Variants in SAE1 observed in about 807,000 individuals in gnomAD.
SAE1 encodes SUMO-activating enzyme subunit 1.
SAE1 carries 11 observed loss-of-function variants against 40.6 expected under a neutral mutation model. The observed-to-expected ratio is 0.27, with a 90% CI of 0.17 to 0.45. The LOEUF (loss-of-function observed/expected upper bound fraction) is 0.45, where lower values mean the gene tolerates loss of function less well. Ranked by LOEUF, SAE1 falls within the 20% of genes least tolerant of loss-of-function variation. The pLI is 1.00. For synonymous variants in SAE1, 155 were observed against 154.3 expected, an observed-to-expected ratio of 1.00 and a Z score of -0.03; for missense variants, 373 against 427.3, an observed-to-expected ratio of 0.87 and a Z score of 1.12.
In SAE1 at chr19:47,187,817, C is replaced by T. The variant is rs533603507; in HGVS notation, c.734-9416C>T. Reference sequence around the variant, plus strand: ...GATTACAGGCGTGAGCCACTGCACCCGGCCTCTGGATTGCCCGGCCTGTGT... The same window carrying T: ...GATTACAGGCGTGAGCCACTGCACCTGGCCTCTGGATTGCCCGGCCTGTGT... On this transcript the variant is annotated intron_variant, in intron 6 of 8. Coordinates refer to ENST00000270225, the MANE Select transcript of SAE1 (RefSeq NM_005500.3). Among the ~76,000 whole-genome samples, 14 of 152,284 alleles carry T rather than the reference C, an allele frequency of 9.2e-5. No individual in the cohort carries two copies. The East Asian group carries it at 2.1e-3, about 23-fold the overall frequency.
At chr19:47,171,332 C>T (rs1452489353) in intron 6 of SAE1, among the ~76,000 whole-genome samples, 16 of 147,262 alleles carry the variant, frequency 1.1e-4, no homozygotes, top group Admixed American at 6.1e-4. Flanking sequence ...CTAGCTCTGT[C>T]GCCCAGGCTG....
At chr19:47,147,762 T>A (rs574281113) in intron 2 of SAE1, among the ~76,000 whole-genome samples, 1,452 of 137,874 alleles carry the variant, frequency 0.011, 26 homozygotes, top group South Asian at 0.016. Flanking sequence ...CTCAACTGTA[T>A]TTTTTTTTTT....
intron 6 of SAE1, chr19:47,180,062 T>G: frequency 2.5e-6 from 1 of 403,326 alleles, no homozygotes; most frequent in Admixed American, 2.7e-5. Flanking sequence ...GTTATCTGGA[T>G]GAACTCATGG....
At chr19:47,181,298 A>G (rs2058504331) in intron 6 of SAE1, among the ~76,000 whole-genome samples, 1 of 152,036 alleles carries the variant, frequency 6.6e-6, no homozygotes, top group Admixed American at 6.6e-5. Flanking sequence ...CTTGGGCAAC[A>G]AGAGCGAAAC....
At chr19:47,195,680 C>T (rs1055228001) in intron 6 of SAE1, among the ~76,000 whole-genome samples, 1 of 151,450 alleles carries the variant, frequency 6.6e-6, no homozygotes, top group Non-Finnish European at 1.5e-5. Context: ...CCTTTCCCTT[C>T]CCCTTCCCCT....
intron 7 of SAE1, among the ~76,000 whole-genome samples, chr19:47,201,293 C>G (rs1490328199): frequency 2.7e-5 from 4 of 146,582 alleles, no homozygotes; most frequent in Non-Finnish European, 6.0e-5. Context: ...ATGATCCACC[C>G]AGCTTGGCCT....
intron 1 of SAE1, among the ~76,000 whole-genome samples, chr19:47,140,320 A>T (rs1186971553): frequency 6.6e-6 from 1 of 151,508 alleles, no homozygotes; most frequent in Non-Finnish European, 1.5e-5. Flanking sequence ...GTTAGCCAGG[A>T]TGGTCTCGGT....
At chr19:47,206,014 C>T (rs1468724222) in intron 8 of SAE1, among the ~76,000 whole-genome samples, 1 of 152,236 alleles carries the variant, frequency 6.6e-6, no homozygotes, top group Non-Finnish European at 1.5e-5. Context: ...TACTTCTGCA[C>T]ATCCCATTGA....
intron 5 of SAE1, among the ~76,000 whole-genome samples, chr19:47,169,580 T>G (rs1427476460): frequency 6.6e-6 from 1 of 152,144 alleles, no homozygotes; most frequent in African/African-American, 2.4e-5. Context: ...GAAGCAGGTC[T>G]TTGGAAGCTT....
intron 2 of SAE1, among the ~76,000 whole-genome samples, chr19:47,143,912 G>A (rs1005615615): frequency 3.9e-5 from 6 of 152,108 alleles, no homozygotes; most frequent in Non-Finnish European, 8.8e-5. Context: ...TTTCCAATTT[G>A]TGCCTAAAAA....
chr19:47,178,371 T>G (rs1243832629), intron 6 of SAE1, among the ~76,000 whole-genome samples: 4 of 152,338 alleles, frequency 2.6e-5, no homozygotes, highest in South Asian at 4.1e-4. Context: ...CATGTCTGCA[T>G]TTTTCTATAG....
At chr19:47,195,736 CTTTTT>C (rs56268362) in intron 6 of SAE1, among the ~76,000 whole-genome samples, 1 of 93,142 alleles carries the variant, frequency 1.1e-5, no homozygotes. Flanking sequence ...TTTTTTTCTT[CTTTTT>C]TTTTTTTTTT....
At chr19:47,168,985 CCTT>C (rs758066353) in intron 5 of SAE1, among the ~76,000 whole-genome samples, 20 of 152,266 alleles carry the variant, frequency 1.3e-4, no homozygotes, top group Non-Finnish European at 2.6e-4. Context: ...TCCTAGCCAT[CCTT>C]CTGCCTATTA....
chr19:47,200,904 C>G (rs1224639411), intron 7 of SAE1, among the ~76,000 whole-genome samples: 1 of 152,146 alleles, frequency 6.6e-6, no homozygotes, highest in Non-Finnish European at 1.5e-5. Context: ...GTCACCTAGG[C>G]TAGAGTGCAG....
chr19:47,133,858 T>G (rs895866035), intron 1 of SAE1, among the ~76,000 whole-genome samples: 19 of 151,512 alleles, frequency 1.3e-4, no homozygotes, highest in African/African-American at 3.2e-4. Flanking sequence ...GATTTGTTTT[T>G]TTTGTTTGTT....
chr19:47,193,928 T>C (rs1481610963), intron 6 of SAE1, among the ~76,000 whole-genome samples: 1 of 151,636 alleles, frequency 6.6e-6, no homozygotes, highest in Non-Finnish European at 1.5e-5. Flanking sequence ...ACCAGAGAAA[T>C]ACAGGCCAGG....
At chr19:47,159,194 T>A (rs938225975) in intron 5 of SAE1, among the ~76,000 whole-genome samples, 1 of 152,246 alleles carries the variant, frequency 6.6e-6, no homozygotes, top group Admixed American at 6.5e-5. Flanking sequence ...CTATTAATAC[T>A]CTTTTCATGA....
At chr19:47,143,837 C>T (rs2058238180) in intron 2 of SAE1, among the ~76,000 whole-genome samples, 1 of 152,078 alleles carries the variant, frequency 6.6e-6, no homozygotes, top group African/African-American at 2.4e-5. Flanking sequence ...AGCTTGCCTG[C>T]CTGTAAAATG....
Position 47,187,767 on chromosome 19 carries a change from T to C in SAE1, c.734-9466T>C, listed in dbSNP as rs561416344. ...AAACTCCTGACCTCAGTTGATCTGCTTGCCTTGGCCTCTCAAAGTGCTGGG... is the reference window on the plus strand; with the variant it reads ...AAACTCCTGACCTCAGTTGATCTGCCTGCCTTGGCCTCTCAAAGTGCTGGG... On this transcript the variant is annotated intron_variant, in intron 6 of 8. Transcript: ENST00000270225. Among the ~76,000 whole-genome samples, 12 of 152,252 alleles carry C rather than the reference T, an allele frequency of 7.9e-5. 1 individual carries two copies. In the South Asian group the frequency reaches 2.3e-3, roughly 29 times the overall value.
Sources: allele counts gnomAD v4.1 joint callset (sites outside exome capture counted in the v4.1 genomes callset), GRCh38; gene constraint gnomAD v4.1.1; transcripts MANE v1.5; gene names NCBI Gene and HGNC (gene_info 2026-07-23, HGNC 2026-07-21).